The following EVC variants were observed in gnomAD, a reference collection of about 807,000 sequenced individuals.
EVC encodes the protein EvC ciliary complex subunit 1, also known as evC complex member EVC.
A neutral mutation model predicts 118.9 loss-of-function variants in EVC; 116 were observed. That is an observed-to-expected ratio of 0.98 (90% confidence interval 0.84 to 1.14). The LOEUF is 1.14. Ranked by LOEUF, EVC falls within the 50% of genes most tolerant of loss-of-function variation. The probability of loss-of-function intolerance (pLI) is 0.00; values close to 1 mark genes in which losing one functional copy is unlikely to be tolerated. For missense variants in EVC, 1,401 were observed against 1,246.4 expected (o/e 1.12, Z -1.87); for synonymous variants, 619 against 534.7 (o/e 1.16, Z -2.18).
At chr4:5,772,062 A>G (rs140547692) in intron 11 of EVC, among the ~76,000 whole-genome samples, 1,648 of 151,904 alleles carry the variant, frequency 0.011, 32 homozygotes, top group African/African-American at 0.037. Context: ...ACGCCCAGCT[A>G]ATTTTTTGTA....
the EVC span, chr4:5,824,519 T>C: frequency 1.0e-6 from 1 of 985,258 alleles, no homozygotes; most frequent in Non-Finnish European, 1.2e-6. Flanking sequence ...TTCCACTCTC[T>C]CTTTTGCTAA....
chr4:5,774,319 A>G (rs1051894308), intron 11 of EVC, among the ~76,000 whole-genome samples: 4 of 151,822 alleles, frequency 2.6e-5, no homozygotes, highest in South Asian at 2.1e-4. Flanking sequence ...CTTTGTTCCT[A>G]GAATGACAAT....
At position 5,792,453 on chromosome 4, in the gene EVC, C is replaced by G. The variant is rs192106915; in HGVS notation, c.1777-1155C>G. On this transcript the variant is annotated intron_variant, in intron 12 of 20. Coordinates refer to ENST00000264956, the MANE Select transcript of EVC (RefSeq NM_153717.3). ...AGAGGAACATACAACAATTTAGCCA[C>G]AAAACACATGAAGCAAAATTGGACA... 1.4e-3 allele frequency among the ~76,000 whole-genome samples: 215 copies of G among 152,228 alleles called. 1 individual carries two copies. Among genetic ancestry groups the G allele is most frequent in the South Asian group, 0.011 (51 of 4,816 alleles).
At chr4:5,720,022 CTGGA>C (rs781554364) in intron 2 of EVC, among the ~76,000 whole-genome samples, 4 of 152,146 alleles carry the variant, frequency 2.6e-5, no homozygotes, top group Non-Finnish European at 5.9e-5. Context: ...TGCTGGGCCT[CTGGA>C]AGAGATGTTA....
At chr4:5,806,131 A>G (rs1715870741) in intron 17 of EVC, among the ~76,000 whole-genome samples, 1 of 151,090 alleles carries the variant, frequency 6.6e-6, no homozygotes, top group Non-Finnish European at 1.5e-5. Flanking sequence ...CCAGGCTGGA[A>G]TGCAGTGGTG....
rs375270784 is a variant in EVC at position 5,806,102 on chromosome 4, C to CA, written c.2561+1262dup. On this transcript the variant is annotated intron_variant, in intron 17 of 20. Coordinates refer to ENST00000264956, the MANE Select transcript of EVC (RefSeq NM_153717.3). ...TCCACTCTCTTTTTTTTTTTTGAGA[C>CA]AGAGTCTTGCTCTGTTGCCCAGGCT... Among the ~76,000 whole-genome samples, 60 of 149,654 alleles carry CA rather than the reference C, an allele frequency of 4.0e-4. 2 individuals are homozygous for CA. The highest frequency in any genetic ancestry group is 1.3e-3 in the African/African-American group (52 of 40,568).
chr4:5,740,636 A>G (rs1728397065), intron 5 of EVC, among the ~76,000 whole-genome samples: 1 of 152,192 alleles, frequency 6.6e-6, no homozygotes, highest in Non-Finnish European at 1.5e-5. Flanking sequence ...AGACCTCTTT[A>G]AGAAGATGAG....
intron 15 of EVC, among the ~76,000 whole-genome samples, chr4:5,800,514 G>C (rs757442329): frequency 5.9e-5 from 9 of 152,260 alleles, no homozygotes; most frequent in Non-Finnish European, 1.0e-4. Flanking sequence ...GAGAGAAGGG[G>C]TGGCCAAGGA....
intron 12 of EVC, among the ~76,000 whole-genome samples, chr4:5,793,222 G>A (rs933928276): frequency 7.2e-5 from 11 of 152,112 alleles, no homozygotes; most frequent in Admixed American, 7.2e-4. Context: ...GACAAGATGT[G>A]TGTGTATATG....
intron 11 of EVC, among the ~76,000 whole-genome samples, chr4:5,772,921 G>A (rs1734205616): frequency 6.6e-6 from 1 of 152,110 alleles, no homozygotes; most frequent in African/African-American, 2.4e-5. Flanking sequence ...CACTTCTTTA[G>A]GGGAGCCCTC....
At chr4:5,784,029 A>G (rs904076131) in intron 12 of EVC, among the ~76,000 whole-genome samples, 2 of 152,200 alleles carry the variant, frequency 1.3e-5, no homozygotes, top group African/African-American at 2.4e-5. Context: ...AACGAGAGAA[A>G]TAAGTAGCCA....
At chr4:5,794,541 G>A (rs1177364072) in intron 13 of EVC, among the ~76,000 whole-genome samples, 1 of 151,238 alleles carries the variant, frequency 6.6e-6, no homozygotes, top group Non-Finnish European at 1.5e-5. Flanking sequence ...CTCCCGAGTA[G>A]CTGGGATTAC....
rs780548102 is a variant in EVC, at chr4:5,810,435, C to A, written c.2879C>A (p.Thr960Asn). ...NNEDLASGDQ[T>N]SGSLSSKRLS... ...GAGGACCTTGCCTCCGGGGACCAGA[C>A]CTCAGGCTCACTCAGGTATGACTGG... is the stretch of plus-strand genomic sequence containing the variant. The change falls in exon 20 of 21, where the codon ACC becomes AAC. Residue 960 changes from threonine (T) to asparagine (N), a missense_variant. Transcript: ENST00000264956. 14 of 1,611,942 alleles carry A rather than the reference C, an allele frequency of 8.7e-6. No homozygotes were observed. The highest frequency in any genetic ancestry group is 1.2e-5 in the Non-Finnish European group (14 of 1,179,378).
At position 5,808,075 on chromosome 4, in the gene EVC, C is replaced by G; in HGVS notation, c.2562-126C>G. The stretch of plus-strand genomic sequence containing the variant: ...CTGGGGCTGCTGTGAATGGTGCCCC[C>G]GATGGCCAGGCCCCTCTTGGGGCTC... On this transcript the variant is annotated intron_variant, in intron 17 of 20. Coordinates refer to ENST00000264956, the MANE Select transcript of EVC (RefSeq NM_153717.3). 4 of 787,792 alleles carry G rather than the reference C, an allele frequency of 5.1e-6. No homozygotes were observed. The South Asian group carries it at 6.3e-5, about 12-fold the overall frequency. 48.8% of individuals were successfully genotyped at this position (787,792 alleles called of 1,614,324 possible).
chr4:5,818,643 A>T (rs1378539196), downstream of EVC, among the ~76,000 whole-genome samples: 1 of 152,154 alleles, frequency 6.6e-6, no homozygotes, highest in African/African-American at 2.4e-5. Context: ...AAGCAGAGGA[A>T]GCGAGACCTG....
At chr4:5,769,045 A>G (rs1439405246) in intron 11 of EVC, among the ~76,000 whole-genome samples, 1 of 152,028 alleles carries the variant, frequency 6.6e-6, no homozygotes, top group Admixed American at 6.5e-5. Context: ...TGGCTGTGAG[A>G]TACATTTGAT....
chr4:5,756,584 TG>T lies in EVC; in HGVS notation c.1563+226del, dbSNP rs1272009910. On this transcript the variant is annotated intron_variant, in intron 11 of 20. Coordinates refer to ENST00000264956, the MANE Select transcript of EVC (RefSeq NM_153717.3). This position sits in a 1 kb window ranked among gnomAD's most constrained non-coding sequence, Gnocchi z 4.2. ...TCCTCTCTGAGGCACCGTCCATTTT[TG>T]GGGTGCTGAGGATTCTTATCTCCAC... Among the ~76,000 whole-genome samples the T allele has an allele frequency of 2.6e-5, 4 of 152,202 alleles. No homozygotes were observed. The highest frequency in any genetic ancestry group is 2.1e-4 in the South Asian group (1 of 4,832).
chr4:5,715,740 CTTT>C (rs35287924), intron 1 of EVC, among the ~76,000 whole-genome samples: 17 of 71,010 alleles, frequency 2.4e-4, no homozygotes, highest in African/African-American at 5.8e-4. Flanking sequence ...TTTCCATTGT[CTTT>C]TTTTTTTTTT....
rs536437328 is a variant in EVC at position 5,787,731 on chromosome 4, G to A, written c.1776+3967G>A. The stretch of plus-strand genomic sequence containing the variant: ...AGTGGGGCAGGGAATGTGGCAGTTG[G>A]TGCACTCCTTAGCATAACAGTAAAG... On this transcript the variant is annotated intron_variant, in intron 12 of 20. Transcript: ENST00000264956. Among the ~76,000 whole-genome samples, 10 of 152,298 alleles carry A rather than the reference G, an allele frequency of 6.6e-5. No individual in the cohort carries two copies. In the South Asian group the frequency reaches 2.1e-3, roughly 32 times the overall value.
Sources: gnomAD v4.1 joint callset for allele counts (sites outside exome capture counted in the v4.1 genomes callset) on GRCh38, gnomAD v4.1.1 for gene constraint, Gnocchi (gnomAD v3.1) non-coding constraint, MANE v1.5 for transcripts, NCBI Gene and HGNC (gene_info 2026-07-23, HGNC 2026-07-21) for gene names.